The following LRCH4 variants were observed in gnomAD, a reference collection of about 807,000 sequenced individuals.
The protein encoded by LRCH4 is leucine-rich repeat and calponin homology domain-containing protein 4.
In LRCH4, 56 loss-of-function variants were observed where a neutral mutation model predicts 81.2. That is an observed-to-expected ratio of 0.69 (90% CI 0.56 to 0.86). The LOEUF is 0.86. LRCH4 is among the 40% of genes least tolerant of loss of function. The pLI, the probability that LRCH4 is intolerant of heterozygous loss-of-function variation, is 0.00. For synonymous variants in LRCH4, 442 were observed against 409.7 expected, an observed-to-expected ratio of 1.08 and a Z score of -0.95; for missense variants, 895 against 922.8, an observed-to-expected ratio of 0.97 and a Z score of 0.39.
Position 100,585,841 on chromosome 7 carries a change from A to G in LRCH4, c.220+40T>C, listed in dbSNP as rs528407060. ...CGGGGCCCGGGGTGGGGCTATGCAA[A>G]TGAGGGACCCGGTTGGGCCCGGGGC... On this transcript the variant is annotated intron_variant, in intron 1 of 17. Coordinates refer to ENST00000310300, the MANE Select transcript of LRCH4 (RefSeq NM_002319.5). 472 of 1,516,808 alleles carry G rather than the reference A, an allele frequency of 3.1e-4. 7 individuals are homozygous for G. In the South Asian group the frequency reaches 5.7e-3, roughly 18 times the overall value. 94.0% of individuals were successfully genotyped at this position (1,516,808 alleles called of 1,614,324 possible).
intron 1 of LRCH4, among the ~76,000 whole-genome samples, chr7:100,585,500 G>A (rs992182212): frequency 1.3e-5 from 2 of 152,012 alleles, no homozygotes; most frequent in African/African-American, 2.4e-5. Flanking sequence ...GATGAAGAGG[G>A]AGAGAAAGCA....
chr7:100,579,035 A>G lies in LRCH4; in HGVS notation c.599-249T>C, dbSNP rs545631080. ...CAGCTCAGCTTCCCCGGGAAGGCCC[A>G]TCCGGACGTCAGGTCCCGCCCAGCC... On this transcript the variant is annotated intron_variant, in intron 4 of 17. Coordinates refer to ENST00000310300, the MANE Select transcript of LRCH4 (RefSeq NM_002319.5). The G allele has an allele frequency of 9.8e-5, 52 of 530,416 alleles. 1 individual carries two copies. In the East Asian group the frequency reaches 1.6e-3, roughly 16 times the overall value. 32.9% of individuals were successfully genotyped at this position (530,416 alleles called of 1,614,324 possible).
chr7:100,582,062 G>A lies in LRCH4; in HGVS notation c.471C>T (p.Thr157=), dbSNP rs1164754065. Residue 157 remains threonine (T), a synonymous_variant, in exon 3 of 18, where the codon ACC becomes ACT. Coordinates refer to ENST00000310300, the MANE Select transcript of LRCH4 (RefSeq NM_002319.5). The surrounding 1 kb of genome is among the most constrained non-coding windows in gnomAD (Gnocchi z 5.0). ...KLGALPPDIG[T]LGSLRQLDVS... ...TCACAAGCTGTCGCAGGCTTCCCAG[G>A]GTGCCGATGTCAGGGGGCAGGGCTC... 1.2e-6 allele frequency: 2 copies of A among 1,610,598 alleles called. No individual in the cohort carries two copies. The highest frequency in any genetic ancestry group is 1.7e-6 in the Non-Finnish European group (2 of 1,179,154).
chr7:100,584,067 C>A (rs1008109726), intron 1 of LRCH4: 2 of 448,184 alleles, frequency 4.5e-6, no homozygotes, highest in African/African-American at 4.0e-5. Context: ...GATCAGGGAC[C>A]CAAGACTAGG....
rs183189535 is a variant in LRCH4, at chr7:100,578,772, G to C, written c.613C>G (p.Pro205Ala). Residue 205 changes from proline to alanine, a missense_variant, in exon 5 of 18, where the codon CCT becomes GCT. Physicochemically the swap from Pro to Ala is conservative, Grantham distance 27. Around this residue, in one of 3 missense-constraint regions of LRCH4, gnomAD observed 360 missense variants for 397.0 expected, o/e 0.91. Coordinates refer to ENST00000310300, the MANE Select transcript of LRCH4 (RefSeq NM_002319.5). This position sits in a 1 kb window ranked among gnomAD's most constrained non-coding sequence, Gnocchi z 5.7. ...CAGGAGAAATCCAGGCGGACCAGAG[G>C]GAGGTCCCCCAGCTCTGGAACAGGT... ...STLPEELGDL[P>A]LVRLDFSCNR... 1 of 1,613,520 alleles carries C rather than the reference G, an allele frequency of 6.2e-7. No homozygotes were observed. The highest frequency in any genetic ancestry group is 2.2e-5 in the East Asian group (1 of 44,878).
intron 1 of LRCH4, chr7:100,584,889 G>C: frequency 2.4e-6 from 1 of 416,132 alleles, no homozygotes; most frequent in East Asian, 7.1e-5. Flanking sequence ...GTGAGGCTTC[G>C]GGAATGCAGT....
In LRCH4 at chr7:100,575,825, C is replaced by A; in HGVS notation, c.1777-43G>T. 1 of 1,608,500 alleles carries A rather than the reference C, an allele frequency of 6.2e-7. No homozygotes were observed. Among genetic ancestry groups the A allele is most frequent in the Non-Finnish European group, 8.5e-7 (1 of 1,176,008 alleles). ...AGAAAATGTGGTAAGGGAGAGGCCACAGGCGCCCCGGCCCATCCCCCACCT... is the reference window on the plus strand; with the variant it reads ...AGAAAATGTGGTAAGGGAGAGGCCAAAGGCGCCCCGGCCCATCCCCCACCT... On this transcript the variant is annotated intron_variant, in intron 16 of 17. Coordinates refer to ENST00000310300, the MANE Select transcript of LRCH4 (RefSeq NM_002319.5). The surrounding 1 kb of genome is among the most constrained non-coding windows in gnomAD (Gnocchi z 5.3).
chr7:100,576,409 T>TC, intron 14 of LRCH4, 86 bp from the exon 15 acceptor site: 2 of 885,468 alleles, frequency 2.3e-6, no homozygotes, highest in Non-Finnish European at 3.6e-6. Flanking sequence ...CACCTACACC[T>TC]CCTGCCTCTC....
In LRCH4 at chr7:100,575,202, G is replaced by T. The variant is rs759024833; in HGVS notation, c.1957C>A (p.Leu653Ile). 6.2e-7 allele frequency: 1 copy of T among 1,612,042 alleles called. No individual in the cohort carries two copies. Among genetic ancestry groups the T allele is most frequent in the Admixed American group, 1.7e-5 (1 of 59,716 alleles). The change falls in exon 18 of 18, where the codon CTC becomes ATC. Residue 653 changes from leucine (L) to isoleucine (I), a missense_variant. Leu to Ile is a conservative substitution (Grantham distance 5). Around this residue, in one of 3 missense-constraint regions of LRCH4, gnomAD observed 529 missense variants for 504.9 expected, o/e 1.05. Transcript: ENST00000310300. The surrounding 1 kb of genome is among the most constrained non-coding windows in gnomAD (Gnocchi z 5.3). ...CCGCCCAGACCAGAGGGGGGCCAGA[G>T]GGGCGGTAGGGCCTTGCCCCCCACC... ...KRVGGKALPP[L>I]WPPSGLGGFV... is the part of the protein sequence containing the mutation.
intron 1 of LRCH4, chr7:100,584,018 T>C: frequency 2.1e-5 from 8 of 382,338 alleles, no homozygotes; most frequent in South Asian, 1.5e-4. Context: ...CACCTCAGGA[T>C]TCTTCCTACT....
chr7:100,574,959 G>A lies in LRCH4; in HGVS notation c.*148C>T, dbSNP rs763072491. ...GGGGGCCCAGGGTCTGGGGGCACCA[G>A]AGTGGGGCCTCTGAGGTCAGTGTCT... On this transcript the variant is annotated 3_prime_UTR_variant, in exon 18 of 18. Transcript: ENST00000310300. 47 of 757,936 alleles carry A rather than the reference G, an allele frequency of 6.2e-5. No individual in the cohort carries two copies. The highest frequency in any genetic ancestry group is 1.5e-4 in the Admixed American group (5 of 33,872). The allele number at this position is 757,936 out of a possible 1,614,324, so 47.0% of individuals were successfully genotyped here.
intron 1 of LRCH4, 131 bp downstream of exon 1, chr7:100,585,750 G>T: frequency 1.1e-6 from 1 of 934,392 alleles, no homozygotes; most frequent in Non-Finnish European, 1.5e-6. Flanking sequence ...TGCAGGTTTA[G>T]GGCAATCAGG....
Position 100,577,281 on chromosome 7 carries a change from C to T in LRCH4, c.1287G>A (p.Arg429=). The part of the protein sequence containing the change: ...QQQSGAWGAP[R]KDSLLKPGLR... ...GCGGCCCTGGGTCCCACCTATCCTTCCTCGGGGCCCCCCACGCCCCGCTCT... is the reference window on the plus strand; with the variant it reads ...GCGGCCCTGGGTCCCACCTATCCTTTCTCGGGGCCCCCCACGCCCCGCTCT... Residue 429 remains arginine, a synonymous_variant, in exon 11 of 18, where the codon AGG becomes AGA. Coordinates refer to ENST00000310300, the MANE Select transcript of LRCH4 (RefSeq NM_002319.5). The surrounding 1 kb of genome is among the most constrained non-coding windows in gnomAD (Gnocchi z 6.7). The T allele has an allele frequency of 6.2e-7, 1 of 1,600,150 alleles. No homozygotes were observed. Among genetic ancestry groups the T allele is most frequent in the African/African-American group, 1.3e-5 (1 of 74,970 alleles).
chr7:100,576,976 G>A lies in LRCH4; in HGVS notation c.1394C>T (p.Ala465Val), dbSNP rs1304536664. 9.4e-6 allele frequency: 15 copies of A among 1,603,518 alleles called. No individual in the cohort carries two copies. Among genetic ancestry groups the A allele is most frequent in the Non-Finnish European group, 1.2e-5 (14 of 1,172,838 alleles). The change falls in exon 13 of 18, where the codon GCA becomes GTA. Residue 465 changes from alanine to valine, a missense_variant. Coordinates refer to ENST00000310300, the MANE Select transcript of LRCH4 (RefSeq NM_002319.5). ...NGSPKSSASQ[A>V]GAAAGQGAPA... is the part of the protein sequence containing the mutation. Reference sequence around the variant, plus strand: ...GGCTCCCTGCCCCGCTGCAGCCCCTGCTTGGGAGGCACTGGACTTAGGCGA... The same window carrying A: ...GGCTCCCTGCCCCGCTGCAGCCCCTACTTGGGAGGCACTGGACTTAGGCGA...
In LRCH4 at chr7:100,575,541, G is replaced by A. The variant is rs757853210; in HGVS notation, c.1854+164C>T. 6 of 933,134 alleles carry A rather than the reference G, an allele frequency of 6.4e-6. No homozygotes were observed. In the Admixed American group the frequency reaches 6.8e-5, roughly 11 times the overall value. The allele number at this position is 933,134 out of a possible 1,614,324, so 57.8% of individuals were successfully genotyped here. ...AGGGGATGTGTAGGACAGGTGACATGCAGGGCAGGGGGCATGCAGGGCAGG... is the reference window on the plus strand; with the variant it reads ...AGGGGATGTGTAGGACAGGTGACATACAGGGCAGGGGGCATGCAGGGCAGG... On this transcript the variant is annotated intron_variant, in intron 17 of 17. Coordinates refer to ENST00000310300, the MANE Select transcript of LRCH4 (RefSeq NM_002319.5). The surrounding 1 kb of genome is among the most constrained non-coding windows in gnomAD (Gnocchi z 5.3).
rs1228469260 is a variant in LRCH4 at position 100,577,634 on chromosome 7, C to T, written c.1116+30G>A. On this transcript the variant is annotated intron_variant, in intron 9 of 17. Coordinates refer to ENST00000310300, the MANE Select transcript of LRCH4 (RefSeq NM_002319.5). The surrounding 1 kb of genome is among the most constrained non-coding windows in gnomAD (Gnocchi z 6.7). The stretch of plus-strand genomic sequence containing the variant: ...CCCTGTCCCCTCCTCCAGCTCCCCT[C>T]CCTTGGGAGAGGCATAGCTGGGCTC... 2 of 1,612,936 alleles carry T rather than the reference C, an allele frequency of 1.2e-6. No individual in the cohort carries two copies. Among genetic ancestry groups the T allele is most frequent in the South Asian group, 1.1e-5 (1 of 91,086 alleles).
At position 100,577,107 on chromosome 7, in the gene LRCH4, ACGGCGG is replaced by A; in HGVS notation, c.1337_1342del (p.Ala446_Ala447del). ...CTACTTGTGCATGGCTTGAGTGGAC[ACGGCGG>A]CGGCCCCTCCCACAACAGCCCTGAG... On this transcript the variant is annotated inframe_deletion, in exon 12 of 18. Coordinates refer to ENST00000310300, the MANE Select transcript of LRCH4 (RefSeq NM_002319.5). The surrounding 1 kb of genome is among the most constrained non-coding windows in gnomAD (Gnocchi z 6.7). 1.2e-6 allele frequency: 2 copies of A among 1,614,090 alleles called. No homozygotes were observed. Among genetic ancestry groups the A allele is most frequent in the Middle Eastern group, 1.6e-4 (1 of 6,062 alleles).
Position 100,577,097 on chromosome 7 carries a change from T to C in LRCH4, c.1353A>G (p.Gln451=). The part of the protein sequence containing the change: ...VVGGAAAVST[Q]AMHNGSPKSS... ...GGCAGGAAACCTACTTGTGCATGGC[T>C]TGAGTGGACACGGCGGCGGCCCCTC... The change falls in exon 12 of 18, where the codon CAA becomes CAG. Residue 451 remains glutamine (Q), a synonymous_variant. Transcript: ENST00000310300. The surrounding 1 kb of genome is among the most constrained non-coding windows in gnomAD (Gnocchi z 6.7). 2.5e-6 allele frequency: 4 copies of C among 1,614,066 alleles called. No individual in the cohort carries two copies. Among genetic ancestry groups the C allele is most frequent in the Non-Finnish European group, 3.4e-6 (4 of 1,179,952 alleles).
At position 100,574,785 on chromosome 7, in the gene LRCH4, G is replaced by A. The variant is rs1801289872; in HGVS notation, c.*322C>T. 3.3e-6 allele frequency: 1 copy of A among 302,684 alleles called. No individual in the cohort carries two copies. Among genetic ancestry groups the A allele is most frequent in the Non-Finnish European group, 6.2e-6 (1 of 161,340 alleles). The allele number at this position is 302,684 out of a possible 1,614,324, so 18.7% of individuals were successfully genotyped here. On this transcript the variant is annotated 3_prime_UTR_variant, in exon 18 of 18. Coordinates refer to ENST00000310300, the MANE Select transcript of LRCH4 (RefSeq NM_002319.5). ...CCCATAGCAGCTGTTGGGGGGGGAA[G>A]GGGAGGGCACAGGAGGAAGGGGGAG...
Sources: gnomAD v4.1 joint callset for allele counts (sites outside exome capture counted in the v4.1 genomes callset) on GRCh38, gnomAD v4.1.1 for gene constraint, gnomAD v4.1.1 regional missense constraint, Gnocchi (gnomAD v3.1) non-coding constraint, MANE v1.5 for transcripts, NCBI Gene and HGNC (gene_info 2026-07-23, HGNC 2026-07-21) for gene names.